FYN: variants seen among roughly 807,000 people sequenced by gnomAD.
The protein encoded by FYN is FYN proto-oncogene, Src family tyrosine kinase.
Under a neutral mutation model 70.2 loss-of-function variants are expected in FYN, and 10 were observed. The observed-to-expected ratio is 0.14, with a 90% CI of 0.09 to 0.24. The LOEUF (loss-of-function observed/expected upper bound fraction) is 0.24. Among genes scored for constraint, FYN ranks in the 10% least tolerant of loss-of-function variants. FYN has a pLI of 1.00. For synonymous variants in FYN, 236 were observed against 248.6 expected, an observed-to-expected ratio of 0.95 and a Z score of 0.48; for missense variants, 319 against 673.1, an observed-to-expected ratio of 0.47 and a Z score of 5.82.
chr6:111,839,836 C>T (rs901845826), intron 2 of FYN, among the ~76,000 whole-genome samples: 2 of 152,048 alleles, frequency 1.3e-5, no homozygotes, highest in African/African-American at 4.8e-5. Flanking sequence ...AGGAACAAAG[C>T]GGAAGGTGTG....
intron 12 of FYN, among the ~76,000 whole-genome samples, chr6:111,678,108 ATGTGTGTGTGTGTGTGTGTG>A (rs57015847): frequency 3.2e-5 from 3 of 93,924 alleles, no homozygotes; most frequent in African/African-American, 8.9e-5. Flanking sequence ...AGGCCATAAT[ATGTGTGTGTGTGTGTGTGTG>A]TGTGTGTGTG....
rs1297152679 is a variant in FYN, at chr6:111,700,001, C to T, written c.862+103G>A. ...TATTCCCCACTATTAGTAATTCAAA[C>T]TTTCTTCCCGGTCACGCAGTCTTTA... is the stretch of plus-strand genomic sequence containing the variant. On this transcript the variant is annotated intron_variant, in intron 9 of 13. Coordinates refer to ENST00000354650, the MANE Select transcript of FYN (RefSeq NM_002037.5). 3 of 837,542 alleles carry T rather than the reference C, an allele frequency of 3.6e-6. No homozygotes were observed. The Admixed American group carries it at 8.7e-5, about 24-fold the overall frequency. The allele number at this position is 837,542 out of a possible 1,614,324, so 51.9% of individuals were successfully genotyped here. A position where few individuals can be genotyped will look rare whatever the true frequency, so the allele number is the denominator to read the frequency against.
At chr6:111,775,011 A>G (rs531594939) in intron 3 of FYN, among the ~76,000 whole-genome samples, 43 of 152,222 alleles carry the variant, frequency 2.8e-4, no homozygotes, top group African/African-American at 1.0e-3. Context: ...GCGCCACTGC[A>G]CCCAGCTAGC....
chr6:111,685,013 A>T (rs1798935684), intron 12 of FYN, among the ~76,000 whole-genome samples: 1 of 152,236 alleles, frequency 6.6e-6, no homozygotes, highest in Non-Finnish European at 1.5e-5. Context: ...TACCTCTGTA[A>T]AGAGAAAACA....
intron 7 of FYN, among the ~76,000 whole-genome samples, chr6:111,703,367 A>G (rs1170170045): frequency 6.6e-6 from 1 of 152,202 alleles, no homozygotes. Context: ...ACCACGATGA[A>G]TGGCTGAGCT....
chr6:111,714,757 C>T (rs1767799729), intron 4 of FYN, among the ~76,000 whole-genome samples: 2 of 152,200 alleles, frequency 1.3e-5, no homozygotes, highest in South Asian at 2.1e-4. Flanking sequence ...GCAGCGTCAG[C>T]GTCAGGGTTC....
At chr6:111,751,624 C>T (rs1802492204) in intron 3 of FYN, among the ~76,000 whole-genome samples, 1 of 101,364 alleles carries the variant, frequency 9.9e-6, no homozygotes, top group Non-Finnish European at 1.8e-5. Flanking sequence ...CATTCAAATT[C>T]TTTCTTTTTT....
At chr6:111,693,597 T>C (rs966065460) in intron 12 of FYN, among the ~76,000 whole-genome samples, 11 of 152,188 alleles carry the variant, frequency 7.2e-5, no homozygotes, top group Admixed American at 2.0e-4. Context: ...GGATATATTT[T>C]ACTTAAAGGC....
chr6:111,763,006 G>C (rs547117324), intron 3 of FYN, among the ~76,000 whole-genome samples: 4 of 152,262 alleles, frequency 2.6e-5, no homozygotes, highest in African/African-American at 9.6e-5. Flanking sequence ...CACATGACAA[G>C]AATCTTTATC....
intron 2 of FYN, among the ~76,000 whole-genome samples, chr6:111,803,393 C>T (rs972597580): frequency 7.2e-5 from 11 of 151,872 alleles, no homozygotes; most frequent in African/African-American, 2.4e-4. Context: ...TTAAGTCAAC[C>T]GGTAACATTA....
intron 3 of FYN, among the ~76,000 whole-genome samples, chr6:111,731,138 A>G (rs1801430939): frequency 6.6e-6 from 1 of 152,224 alleles, no homozygotes; most frequent in Non-Finnish European, 1.5e-5. Flanking sequence ...TCACTCTCCA[A>G]GGCCGAACAA....
intron 1 of FYN, among the ~76,000 whole-genome samples, chr6:111,856,441 A>T (rs1773825065): frequency 6.6e-6 from 1 of 151,230 alleles, no homozygotes; most frequent in Admixed American, 6.6e-5. Context: ...GGCATAGGTT[A>T]GTTAGAGACA....
chr6:111,785,257 C>T (rs1771321476), intron 2 of FYN, among the ~76,000 whole-genome samples: 1 of 152,240 alleles, frequency 6.6e-6, no homozygotes, highest in African/African-American at 2.4e-5. Context: ...TTTCACACTA[C>T]ATCTCTAGAT....
intron 3 of FYN, among the ~76,000 whole-genome samples, chr6:111,755,872 A>G (rs945477918): frequency 4.6e-5 from 7 of 152,194 alleles, no homozygotes; most frequent in Non-Finnish European, 4.4e-5. Context: ...ATTTCACTAC[A>G]GTTTTATTTA....
chr6:111,836,692 G>T (rs1487690001), intron 2 of FYN, among the ~76,000 whole-genome samples: 3 of 152,166 alleles, frequency 2.0e-5, no homozygotes, highest in Non-Finnish European at 4.4e-5. Flanking sequence ...CGCCCAGGAG[G>T]TTGAGGCTGC....
chr6:111,763,721 T>C (rs1171622702), intron 3 of FYN, among the ~76,000 whole-genome samples: 1 of 152,212 alleles, frequency 6.6e-6, no homozygotes, highest in Non-Finnish European at 1.5e-5. Flanking sequence ...TATACATTTT[T>C]TCATGCATTT....
chr6:111,785,410 T>C (rs1191185046), intron 2 of FYN, among the ~76,000 whole-genome samples: 1 of 152,236 alleles, frequency 6.6e-6, no homozygotes, highest in Admixed American at 6.5e-5. Flanking sequence ...AATGAATAAA[T>C]GAAAGGCTTC....
At chr6:111,700,296 G>A in intron 8 of FYN, 28 bp from the exon 9 acceptor site, 1 of 1,611,926 alleles carries the variant, frequency 6.2e-7, no homozygotes, top group Non-Finnish European at 8.5e-7. Context: ...GGGCAGGAGA[G>A]GGAGAGAAGA....
At chr6:111,740,702 A>C (rs996283333) in intron 3 of FYN, among the ~76,000 whole-genome samples, 1 of 152,170 alleles carries the variant, frequency 6.6e-6, no homozygotes, top group African/African-American at 2.4e-5. Context: ...GCAACACTGC[A>C]CACCTTTCTG....
Sources: gnomAD v4.1 joint callset for allele counts (sites outside exome capture counted in the v4.1 genomes callset) on GRCh38, gnomAD v4.1.1 for gene constraint, MANE v1.5 for transcripts, NCBI Gene and HGNC (gene_info 2026-07-23, HGNC 2026-07-21) for gene names.